PRKCE: variants seen among roughly 807,000 people sequenced by gnomAD.
PRKCE encodes protein kinase C epsilon type.
PRKCE carries 16 observed loss-of-function variants against 85.4 expected under a neutral mutation model. The ratio of observed to expected loss-of-function variants is 0.19; its 90% CI spans 0.13 to 0.28. The LOEUF is 0.28. Ranked by LOEUF, PRKCE falls within the 10% of genes least tolerant of loss-of-function variation. The pLI is 1.00. For missense variants in PRKCE, 573 were observed against 975.2 expected, an observed-to-expected ratio of 0.59 and a Z score of 5.49; for synonymous variants, 388 against 371.5, an observed-to-expected ratio of 1.04 and a Z score of -0.51.
chr2:45,730,001 A>C (rs1368578212), intron 1 of PRKCE, among the ~76,000 whole-genome samples: 2 of 152,196 alleles, frequency 1.3e-5, no homozygotes, highest in East Asian at 3.8e-4. Flanking sequence ...GTTCAACAAC[A>C]TTGACAAGAA....
Position 46,027,584 on chromosome 2 carries a change from G to A in PRKCE, c.1437+17067G>A, listed in dbSNP as rs547872497. Among the ~76,000 whole-genome samples the A allele has an allele frequency of 6.8e-4, 103 of 152,248 alleles. 1 individual carries two copies. Among genetic ancestry groups the A allele is most frequent in the Admixed American group, 2.9e-3 (45 of 15,290 alleles). ...TATTTTACAATAAGGCAGGGAAGGG[G>A]AACAAGAACATGAAAGCATCCAAAC... On this transcript the variant is annotated intron_variant, in intron 10 of 14. Transcript: ENST00000306156.
rs149362130 is a variant in PRKCE, at chr2:45,937,658, T to G, written c.413-38771T>G. 3.7e-3 allele frequency among the ~76,000 whole-genome samples: 565 copies of G among 151,760 alleles called. 4 individuals are homozygous for G. The highest frequency in any genetic ancestry group is 0.012 in the African/African-American group (501 of 41,318). On this transcript the variant is annotated intron_variant, in intron 2 of 14. Transcript: ENST00000306156. ...TGAACCCAGGAGGTGGAGCTTGTAG[T>G]GAGCCGAGATCATACCACTGCACTC...
Position 45,890,402 on chromosome 2 carries a change from CAG to C in PRKCE, c.412+47342_412+47343del, listed in dbSNP as rs201921939. 8.8e-3 allele frequency among the ~76,000 whole-genome samples: 1,346 copies of C among 152,196 alleles called. 20 individuals are homozygous for C. Among genetic ancestry groups the C allele is most frequent in the African/African-American group, 0.03 (1,256 of 41,508 alleles). On this transcript the variant is annotated intron_variant, in intron 2 of 14. Transcript: ENST00000306156. ...TTTCAAAACTTTTGTGTGTGTGAGA[CAG>C]AGTCTCACTCTGTCTCCCAGACTGG...
At chr2:45,942,382 A>G (rs1400691785) in intron 2 of PRKCE, among the ~76,000 whole-genome samples, 1 of 152,254 alleles carries the variant, frequency 6.6e-6, no homozygotes, top group Non-Finnish European at 1.5e-5. Flanking sequence ...CAAGTGAGAA[A>G]AAAATCATAT....
At chr2:45,788,442 C>A (rs1054123912) in intron 1 of PRKCE, among the ~76,000 whole-genome samples, 3 of 152,162 alleles carry the variant, frequency 2.0e-5, no homozygotes, top group African/African-American at 7.2e-5. Context: ...ATCCTGACTC[C>A]AGTGTTTTTA....
intron 11 of PRKCE, among the ~76,000 whole-genome samples, chr2:46,109,425 T>C (rs1204345116): frequency 6.6e-6 from 1 of 152,184 alleles, no homozygotes; most frequent in Non-Finnish European, 1.5e-5. Context: ...ATACATATTT[T>C]GTTAGATTTA....
chr2:46,009,828 A>G (rs1420270143), intron 9 of PRKCE, among the ~76,000 whole-genome samples: 1 of 152,262 alleles, frequency 6.6e-6, no homozygotes, highest in Non-Finnish European at 1.5e-5. Flanking sequence ...TGGAGACCAT[A>G]TGGAGAATGT....
chr2:45,683,606 A>C (rs929512348), intron 1 of PRKCE, among the ~76,000 whole-genome samples: 1 of 152,324 alleles, frequency 6.6e-6, no homozygotes, highest in Non-Finnish European at 1.5e-5. Flanking sequence ...GGATGGAATG[A>C]AGTCTGACTG....
chr2:45,923,364 G>T (rs555710134), intron 2 of PRKCE, among the ~76,000 whole-genome samples: 1 of 152,364 alleles, frequency 6.6e-6, no homozygotes, highest in African/African-American at 2.4e-5. Flanking sequence ...TGTGCCCAGA[G>T]CAGTGGCCAT....
intron 1 of PRKCE, among the ~76,000 whole-genome samples, chr2:45,758,061 G>A (rs1411484232): frequency 2.0e-5 from 3 of 152,200 alleles, no homozygotes; most frequent in Non-Finnish European, 4.4e-5. Flanking sequence ...AGAACCAGGG[G>A]AGACCAGTAC....
chr2:46,084,718 CAAAAAAAAAAAAA>C (rs11314680), intron 10 of PRKCE, among the ~76,000 whole-genome samples: 1 of 92,236 alleles, frequency 1.1e-5, no homozygotes, highest in Non-Finnish European at 2.1e-5. Flanking sequence ...GAGACTCCAT[CAAAAAAAAAAAAA>C]AAAAAAAAAG....
At chr2:45,841,104 T>G (rs1297595414) in intron 1 of PRKCE, among the ~76,000 whole-genome samples, 1 of 152,162 alleles carries the variant, frequency 6.6e-6, no homozygotes, top group Non-Finnish European at 1.5e-5. Context: ...TTTCTGTCTA[T>G]CAGGACAGAG....
At chr2:45,874,611 G>T (rs1000381018) in intron 2 of PRKCE, among the ~76,000 whole-genome samples, 1 of 152,232 alleles carries the variant, frequency 6.6e-6, no homozygotes, top group East Asian at 1.9e-4. Flanking sequence ...TGGCCATGGG[G>T]TGTGTCAAAT....
At chr2:45,966,007 C>G (rs549772068) in intron 2 of PRKCE, among the ~76,000 whole-genome samples, 1 of 152,046 alleles carries the variant, frequency 6.6e-6, no homozygotes, top group East Asian at 1.9e-4. Context: ...GGTGGGTGAT[C>G]AGCAGCTGAC....
intron 1 of PRKCE, among the ~76,000 whole-genome samples, chr2:45,760,516 C>T (rs1260153480): frequency 6.6e-6 from 1 of 152,134 alleles, no homozygotes; most frequent in Non-Finnish European, 1.5e-5. Flanking sequence ...ATAGGTCCAT[C>T]GACAACAAAA....
At chr2:46,136,306 T>G (rs201361793) in intron 11 of PRKCE, among the ~76,000 whole-genome samples, 1 of 152,198 alleles carries the variant, frequency 6.6e-6, no homozygotes, top group African/African-American at 2.4e-5. Context: ...TTCCTATTCT[T>G]TCTGATATGT....
At chr2:45,925,575 C>G (rs1015246331) in intron 2 of PRKCE, among the ~76,000 whole-genome samples, 2 of 152,174 alleles carry the variant, frequency 1.3e-5, no homozygotes, top group Non-Finnish European at 2.9e-5. Context: ...GGATTACAGG[C>G]GTGAACCACC....
chr2:45,909,556 G>T (rs1281516537), intron 2 of PRKCE, among the ~76,000 whole-genome samples: 2 of 152,342 alleles, frequency 1.3e-5, no homozygotes, highest in East Asian at 3.9e-4. Context: ...AATTTAGAAA[G>T]TTGTTAAAAT....
At chr2:45,908,403 C>T (rs1159207951) in intron 2 of PRKCE, among the ~76,000 whole-genome samples, 2 of 152,208 alleles carry the variant, frequency 1.3e-5, no homozygotes, top group African/African-American at 4.8e-5. Context: ...AGTCTGCTCC[C>T]AAACGCTAAG....
Sources: allele counts gnomAD v4.1 joint callset (sites outside exome capture counted in the v4.1 genomes callset), GRCh38; gene constraint gnomAD v4.1.1; transcripts MANE v1.5; gene names NCBI Gene and HGNC (gene_info 2026-07-23, HGNC 2026-07-21).